The following INSYN2B variants were observed in gnomAD, a reference collection of about 807,000 sequenced individuals.
The protein encoded by INSYN2B is inhibitory synaptic factor family member 2B.
In INSYN2B, 16 loss-of-function variants were observed where a neutral mutation model predicts 41.2. That is an observed-to-expected ratio of 0.39 (90% CI 0.26 to 0.59). The LOEUF (loss-of-function observed/expected upper bound fraction) is 0.59. Ranked by LOEUF, INSYN2B falls within the 20% of genes least tolerant of loss-of-function variation. The pLI is 0.57. For missense variants in INSYN2B, 608 were observed against 646.4 expected, an observed-to-expected ratio of 0.94 and a Z score of 0.64; for synonymous variants, 245 against 244.4, an observed-to-expected ratio of 1.00 and a Z score of -0.02.
At chr5:169,891,650 A>G (rs1773289381) in intron 1 of INSYN2B, among the ~76,000 whole-genome samples, 1 of 151,952 alleles carries the variant, frequency 6.6e-6, no homozygotes, top group Non-Finnish European at 1.5e-5. Flanking sequence ...TGGGGAAACT[A>G]AGACTCTGAG....
intron 1 of INSYN2B, among the ~76,000 whole-genome samples, chr5:169,963,846 T>C (rs1201632506): frequency 3.3e-5 from 5 of 152,106 alleles, no homozygotes; most frequent in Admixed American, 2.6e-4. Context: ...TGGTTGAACA[T>C]AGACCGCTGG....
chr5:169,903,998 C>T (rs545826588), intron 1 of INSYN2B, among the ~76,000 whole-genome samples: 19 of 148,176 alleles, frequency 1.3e-4, no homozygotes, highest in Non-Finnish European at 2.7e-4. Flanking sequence ...AGGGCTGAGG[C>T]ATGAGAATTG....
chr5:169,939,516 C>T (rs1292562116), intron 1 of INSYN2B, among the ~76,000 whole-genome samples: 4 of 152,006 alleles, frequency 2.6e-5, no homozygotes, highest in East Asian at 3.8e-4. Context: ...CAGTAACAGT[C>T]GTTTATTATT....
chr5:169,901,055 GT>G (rs1410139662), intron 1 of INSYN2B, among the ~76,000 whole-genome samples: 4 of 152,188 alleles, frequency 2.6e-5, no homozygotes, highest in African/African-American at 9.6e-5. Context: ...GCTAGATGTT[GT>G]GACCAAAAAA....
intron 1 of INSYN2B, among the ~76,000 whole-genome samples, chr5:169,967,134 AG>A (rs1358857590): frequency 6.6e-6 from 1 of 152,226 alleles, no homozygotes; most frequent in Non-Finnish European, 1.5e-5. Context: ...CCTGGTCCAG[AG>A]GTGGACAGAG....
Position 169,949,154 on chromosome 5 carries a change from G to A in INSYN2B, c.-919+31123C>T, listed in dbSNP as rs571709791. ...CTTTTTGAATATTCATGCAAAAGTC[G>A]AAGACTGTTCCATTTATGAATCAGT... On this transcript the variant is annotated intron_variant, in intron 1 of 3. Coordinates refer to ENST00000377365, the MANE Select transcript of INSYN2B (RefSeq NM_001129891.3). Among the ~76,000 whole-genome samples, 62 of 152,244 alleles carry A rather than the reference G, an allele frequency of 4.1e-4. No individual in the cohort carries two copies. The South Asian group carries it at 8.9e-3, about 22-fold the overall frequency.
intron 1 of INSYN2B, among the ~76,000 whole-genome samples, chr5:169,921,011 C>A (rs1156651606): frequency 6.6e-6 from 1 of 152,206 alleles, no homozygotes; most frequent in Non-Finnish European, 1.5e-5. Context: ...TTCCTAATTA[C>A]CTTTGCAAGA....
chr5:169,946,981 G>T (rs1266739424), intron 1 of INSYN2B, among the ~76,000 whole-genome samples: 1 of 152,112 alleles, frequency 6.6e-6, no homozygotes, highest in Admixed American at 6.5e-5. Context: ...TGGAATGAAG[G>T]CCAGGGGGTT....
At chr5:169,979,778 A>G (rs913591337) in intron 1 of INSYN2B, among the ~76,000 whole-genome samples, 15 of 152,230 alleles carry the variant, frequency 9.9e-5, no homozygotes, top group African/African-American at 3.6e-4. Context: ...AGAACTAAGA[A>G]ATTAACAAGC....
Position 169,864,099 on chromosome 5 carries a change from G to T in INSYN2B, c.*174C>A, listed in dbSNP as rs1262318513. On this transcript the variant is annotated 3_prime_UTR_variant, in exon 4 of 4. Coordinates refer to ENST00000377365, the MANE Select transcript of INSYN2B (RefSeq NM_001129891.3). ...AGTCGCACGCACTCAGGTAAGGATC[G>T]TGGTCAGGTGTCCAGCAGCGGCTAC... Among the ~76,000 whole-genome samples the T allele has an allele frequency of 6.6e-6, 1 of 152,322 alleles. No individual in the cohort carries two copies. Among genetic ancestry groups the T allele is most frequent in the East Asian group, 1.9e-4 (1 of 5,170 alleles).
intron 1 of INSYN2B, among the ~76,000 whole-genome samples, chr5:169,901,789 G>T (rs1773939888): frequency 6.6e-6 from 1 of 152,206 alleles, no homozygotes; most frequent in South Asian, 2.1e-4. Flanking sequence ...CTTTCCCAGA[G>T]CCAAATGGAG....
At chr5:169,960,586 AT>A (rs1777043101) in intron 1 of INSYN2B, among the ~76,000 whole-genome samples, 1 of 152,218 alleles carries the variant, frequency 6.6e-6, no homozygotes, top group South Asian at 2.1e-4. Flanking sequence ...ATCACTTAAA[AT>A]GACCAATAAT....
chr5:169,895,451 T>A (rs1773539814), intron 1 of INSYN2B, among the ~76,000 whole-genome samples: 1 of 152,050 alleles, frequency 6.6e-6, no homozygotes, highest in Non-Finnish European at 1.5e-5. Context: ...GGGGGTGGTC[T>A]CACTCCTAAC....
At chr5:169,961,261 G>A (rs145622551) in intron 1 of INSYN2B, among the ~76,000 whole-genome samples, 19 of 152,310 alleles carry the variant, frequency 1.2e-4, no homozygotes, top group African/African-American at 4.6e-4. Flanking sequence ...GATAAATGCT[G>A]TCAGAGTTCT....
At chr5:169,972,886 G>A (rs148829636) in intron 1 of INSYN2B, among the ~76,000 whole-genome samples, 1,904 of 152,186 alleles carry the variant, frequency 0.013, 33 homozygotes, top group Non-Finnish European at 0.018. Context: ...TTGCAAAGGG[G>A]CCACCTCCAA....
chr5:169,958,312 G>C (rs1260858723), intron 1 of INSYN2B, among the ~76,000 whole-genome samples: 1 of 152,132 alleles, frequency 6.6e-6, no homozygotes, highest in African/African-American at 2.4e-5. Context: ...TATGGTCTTT[G>C]CCTTCCTTCT....
Position 169,864,421 on chromosome 5 carries a change from T to C in INSYN2B, c.1460A>G (p.His487Arg). 1 of 1,549,780 alleles carries C rather than the reference T, an allele frequency of 6.5e-7. No homozygotes were observed. Among genetic ancestry groups the C allele is most frequent in the Non-Finnish European group, 8.7e-7 (1 of 1,146,174 alleles). Residue 487 changes from histidine to arginine, a missense_variant, in exon 4 of 4, where the codon CAT (histidine) becomes CGT (arginine). Transcript: ENST00000377365. ...YDFRQQEGRFHEVLQSLEEAE... is the reference protein window; with the variant it reads ...YDFRQQEGRFREVLQSLEEAE... ...TTCCTCCAGACTCTGCAAAACTTCA[T>C]GGAACCTGCCTTCCTGCTGCCGAAA...
intron 1 of INSYN2B, among the ~76,000 whole-genome samples, chr5:169,895,930 C>T (rs914013562): frequency 3.9e-5 from 6 of 152,178 alleles, no homozygotes; most frequent in Non-Finnish European, 8.8e-5. Context: ...ATTTTCTGGC[C>T]TGGAGATGTC....
chr5:169,973,265 A>G (rs993806135), intron 1 of INSYN2B, among the ~76,000 whole-genome samples: 3 of 152,158 alleles, frequency 2.0e-5, no homozygotes, highest in African/African-American at 7.2e-5. Context: ...ATCCTCACCC[A>G]CAATGCAGCT....
Sources: gnomAD v4.1 joint callset for allele counts (sites outside exome capture counted in the v4.1 genomes callset) on GRCh38, gnomAD v4.1.1 for gene constraint, MANE v1.5 for transcripts, NCBI Gene and HGNC (gene_info 2026-07-23, HGNC 2026-07-21) for gene names.